The following EIF4EBP2 variants were observed in gnomAD, a reference collection of about 807,000 sequenced individuals.
The protein encoded by EIF4EBP2 is eukaryotic translation initiation factor 4E-binding protein 2.
A neutral mutation model predicts 10.3 loss-of-function variants in EIF4EBP2; 5 were observed. That is an observed-to-expected ratio of 0.48 (90% CI 0.25 to 1.02). The LOEUF (loss-of-function observed/expected upper bound fraction) is 1.02, where lower values mean the gene tolerates loss of function less well. Among genes scored for constraint, EIF4EBP2 ranks in the 50% least tolerant of loss-of-function variants. The pLI, the probability that EIF4EBP2 is intolerant of heterozygous loss-of-function variation, is 0.15. For synonymous variants in EIF4EBP2, 67 were observed against 61.1 expected (o/e 1.10, Z -0.45); for missense variants, 188 against 162.2 (o/e 1.16, Z -0.86).
At chr10:70,407,732 C>G (rs1356452974) in intron 1 of EIF4EBP2, among the ~76,000 whole-genome samples, 2 of 63,248 alleles carry the variant, frequency 3.2e-5, no homozygotes, top group Non-Finnish European at 7.3e-5. Flanking sequence ...GGGGGCTGAC[C>G]CCCCCCCCAC....
chr10:70,417,590 A>G (rs1489190848), intron 1 of EIF4EBP2, among the ~76,000 whole-genome samples: 3 of 152,216 alleles, frequency 2.0e-5, no homozygotes, highest in Non-Finnish European at 4.4e-5. Context: ...ACATTTAGGC[A>G]GAATCTCCAC....
At chr10:70,418,359 A>G (rs1845119139) in intron 1 of EIF4EBP2, among the ~76,000 whole-genome samples, 1 of 152,234 alleles carries the variant, frequency 6.6e-6, no homozygotes, top group South Asian at 2.1e-4. Flanking sequence ...TTGTTATGGC[A>G]GCCTAAGCTG....
chr10:70,411,390 T>G (rs1326892054), intron 1 of EIF4EBP2, among the ~76,000 whole-genome samples: 1 of 152,178 alleles, frequency 6.6e-6, no homozygotes, highest in Non-Finnish European at 1.5e-5. Flanking sequence ...TTTTGCTTTT[T>G]TTTTTTATTA....
intron 1 of EIF4EBP2, among the ~76,000 whole-genome samples, chr10:70,417,498 A>G (rs1374099274): frequency 6.6e-6 from 1 of 152,228 alleles, no homozygotes; most frequent in East Asian, 1.9e-4. Context: ...AATGAATGCT[A>G]TTTCAATAAA....
At chr10:70,413,782 A>G (rs538890313) in intron 1 of EIF4EBP2, among the ~76,000 whole-genome samples, 44 of 152,336 alleles carry the variant, frequency 2.9e-4, no homozygotes, top group African/African-American at 9.4e-4. Context: ...ACTAAGGAGC[A>G]TGATTATTTT....
intron 1 of EIF4EBP2, among the ~76,000 whole-genome samples, chr10:70,408,184 G>A (rs111994812): frequency 1.7e-5 from 2 of 120,990 alleles, no homozygotes; most frequent in African/African-American, 3.2e-5. Context: ...CCTCCCGGAC[G>A]GGGCGGCTGG....
rs150429766 is a variant in EIF4EBP2, at chr10:70,411,249, C to T, written c.145+6703C>T. The stretch of plus-strand genomic sequence containing the variant: ...CATTAAGCAGTACCACCGCAGCCTC[C>T]GGCAGCTAATCATCCTACTTTGTGT... On this transcript the variant is annotated intron_variant, in intron 1 of 2. Transcript: ENST00000373218. Among the ~76,000 whole-genome samples, 189 of 152,288 alleles carry T rather than the reference C, an allele frequency of 1.2e-3. 1 individual carries two copies. The highest frequency in any genetic ancestry group is 4.2e-3 in the African/African-American group (176 of 41,560).
chr10:70,407,392 G>A (rs1011561281), intron 1 of EIF4EBP2, among the ~76,000 whole-genome samples: 3 of 152,006 alleles, frequency 2.0e-5, no homozygotes, highest in African/African-American at 7.2e-5. Flanking sequence ...TCAACCCTGA[G>A]TGGACACAGC....
At chr10:70,412,988 A>G (rs1845060438) in intron 1 of EIF4EBP2, among the ~76,000 whole-genome samples, 2 of 152,222 alleles carry the variant, frequency 1.3e-5, no homozygotes, top group African/African-American at 2.4e-5. Context: ...CACTTTCAGC[A>G]GTTTCTGTTT....
intron 1 of EIF4EBP2, among the ~76,000 whole-genome samples, chr10:70,413,449 G>GAC (rs1399872214): frequency 6.6e-6 from 1 of 151,714 alleles, no homozygotes; most frequent in Non-Finnish European, 1.5e-5. Context: ...AACGTAATGA[G>GAC]ACCCCATCTC....
Position 70,423,505 on chromosome 10 carries a change from C to T in EIF4EBP2, c.*1758C>T, listed in dbSNP as rs1474016431. The T allele has an allele frequency of 1.3e-5, 2 of 152,512 alleles. No individual in the cohort carries two copies. The highest frequency in any genetic ancestry group is 2.9e-5 in the Non-Finnish European group (2 of 68,034). 9.4% of individuals were successfully genotyped at this position (152,512 alleles called of 1,614,324 possible). On this transcript the variant is annotated 3_prime_UTR_variant, in exon 3 of 3. Transcript: ENST00000373218. ...CTCATAGAAAGACAAAAGCATCCATCCCCTCATAGTTAAGTAGCCACTGGT... is the reference window on the plus strand; with the variant it reads ...CTCATAGAAAGACAAAAGCATCCATTCCCTCATAGTTAAGTAGCCACTGGT...
rs1845189166 is a variant in EIF4EBP2 at position 70,424,582 on chromosome 10, T to C, written c.*2835T>C. On this transcript the variant is annotated 3_prime_UTR_variant, in exon 3 of 3. Transcript: ENST00000373218. ...GATGAAACCCTTAATGAATAATGTG[T>C]CCGGGGTTTTTTAGAGAGAAGGAGC... The C allele has an allele frequency of 6.6e-6, 1 of 152,240 alleles. No individual in the cohort carries two copies. Among genetic ancestry groups the C allele is most frequent in the African/African-American group, 2.4e-5 (1 of 41,462 alleles). The allele number at this position is 152,240 out of a possible 1,614,324, so 9.4% of individuals were successfully genotyped here.
In EIF4EBP2 at chr10:70,404,464, C is replaced by G. The variant is rs776356386; in HGVS notation, c.63C>G (p.Thr21=). ...PSQSRAIPTR[T]VAISDAAQLP... is the part of the protein sequence containing the mutation. ...AGAGCCGCGCCATCCCCACCCGCAC[C>G]GTGGCCATCAGCGACGCCGCGCAGC... The change falls in exon 1 of 3, where the codon ACC becomes ACG. Residue 21 remains threonine, a synonymous_variant. Coordinates refer to ENST00000373218, the MANE Select transcript of EIF4EBP2 (RefSeq NM_004096.5). 3 of 1,599,276 alleles carry G rather than the reference C, an allele frequency of 1.9e-6. No homozygotes were observed. Among genetic ancestry groups the G allele is most frequent in the Non-Finnish European group, 2.6e-6 (3 of 1,175,240 alleles).
At chr10:70,417,740 G>C (rs1487283125) in intron 1 of EIF4EBP2, among the ~76,000 whole-genome samples, 1 of 152,184 alleles carries the variant, frequency 6.6e-6, no homozygotes, top group Non-Finnish European at 1.5e-5. Flanking sequence ...TACTACAGAA[G>C]TAAGAATAAT....
chr10:70,426,971 G>A lies in EIF4EBP2; in HGVS notation c.*5224G>A, dbSNP rs907947447. 10 of 152,278 alleles carry A rather than the reference G, an allele frequency of 6.6e-5. No individual in the cohort carries two copies. Among genetic ancestry groups the A allele is most frequent in the African/African-American group, 2.4e-4 (10 of 41,434 alleles). 9.4% of individuals were successfully genotyped at this position (152,278 alleles called of 1,614,324 possible). On this transcript the variant is annotated 3_prime_UTR_variant, in exon 3 of 3. Coordinates refer to ENST00000373218, the MANE Select transcript of EIF4EBP2 (RefSeq NM_004096.5). ...GAACTGCTTCGAATCAAGGCAACTG[G>A]TGAAGGGCTTAGCATGTTGGCAGCA...
chr10:70,418,733 T>C (rs922114092), intron 1 of EIF4EBP2, among the ~76,000 whole-genome samples: 5 of 152,200 alleles, frequency 3.3e-5, no homozygotes, highest in South Asian at 2.1e-4. Context: ...AATTTCTAGA[T>C]GCCTTTTTGA....
intron 1 of EIF4EBP2, among the ~76,000 whole-genome samples, chr10:70,407,991 C>T: frequency 8.4e-6 from 1 of 118,552 alleles, no homozygotes; most frequent in Non-Finnish European, 1.8e-5. Flanking sequence ...GGCTGACCCC[C>T]CCACCTCCCT....
At chr10:70,415,547 A>G (rs748274998) in intron 1 of EIF4EBP2, among the ~76,000 whole-genome samples, 2 of 152,236 alleles carry the variant, frequency 1.3e-5, no homozygotes, top group Non-Finnish European at 2.9e-5. Context: ...ATTACAAGTC[A>G]AGACAGTGGG....
Position 70,419,947 on chromosome 10 carries a change from T to TGGATCGTC in EIF4EBP2, c.181_188dup (p.Asn64IlefsTer27). 1 of 1,593,878 alleles carries TGGATCGTC rather than the reference T, an allele frequency of 6.3e-7. No homozygotes were observed. On this transcript the variant is annotated frameshift_variant, in exon 2 of 3. Transcript: ENST00000373218. LOFTEE classifies it high-confidence loss of function. Reference sequence around the variant, plus strand: ...ATCATTTATGACAGAAAGTTTCTGTTGGATCGTCGCAATTCTCCCATGGCT... The same window carrying TGGATCGTC: ...ATCATTTATGACAGAAAGTTTCTGTTGGATCGTCGGATCGTCGCAATTCTCCCATGGCT...
Sources: allele counts gnomAD v4.1 joint callset (sites outside exome capture counted in the v4.1 genomes callset), GRCh38; gene constraint gnomAD v4.1.1; transcripts MANE v1.5; gene names NCBI Gene and HGNC (gene_info 2026-07-23, HGNC 2026-07-21).